The following KRT8 variants were observed in gnomAD, a reference collection of about 807,000 sequenced individuals.
The protein encoded by KRT8 is keratin 8.
A neutral mutation model predicts 43.0 loss-of-function variants in KRT8; 24 were observed. The observed-to-expected ratio is 0.56, with a 90% CI of 0.40 to 0.78. The LOEUF is 0.78. Among genes scored for constraint, KRT8 ranks in the 30% least tolerant of loss-of-function variants. The pLI is 0.00. For missense variants in KRT8, 492 were observed against 638.4 expected (o/e 0.77, Z 2.47); for synonymous variants, 214 against 261.2 (o/e 0.82, Z 1.74).
chr12:52,935,575 G>A (rs376029411), intron 2 of KRT8, among the ~76,000 whole-genome samples: 168 of 148,630 alleles, frequency 1.1e-3, no homozygotes, highest in African/African-American at 1.8e-3. Context: ...AAAACCGTTC[G>A]TGACCTTGAG....
chr12:52,918,237 A>AGAAGAG (rs1565725847), intron 2 of KRT8, among the ~76,000 whole-genome samples: 4 of 151,570 alleles, frequency 2.6e-5, no homozygotes, highest in Non-Finnish European at 4.4e-5. Context: ...AAGAAGAAGA[A>AGAAGAG]GAAGAAGAAG....
At chr12:52,903,807 C>A (rs527437532) in intron 1 of KRT8, among the ~76,000 whole-genome samples, 2 of 152,190 alleles carry the variant, frequency 1.3e-5, no homozygotes, top group South Asian at 4.1e-4. Context: ...ACTTTGAATC[C>A]TGCATGGGCT....
rs559625395 is a variant in KRT8 at position 52,916,143 on chromosome 12, C to T, written c.-46-11116G>A. On this transcript the variant is annotated intron_variant, in intron 2 of 6. Coordinates refer to the KRT8 transcript ENST00000546826. Reference sequence around the variant, plus strand: ...TAGGGGTTTCAGAGGCCAGACAGAGCTTTTTCTGCAGGCTGCAGGAAGGGA... The same window carrying T: ...TAGGGGTTTCAGAGGCCAGACAGAGTTTTTTCTGCAGGCTGCAGGAAGGGA... Among the ~76,000 whole-genome samples, 141 of 152,148 alleles carry T rather than the reference C, an allele frequency of 9.3e-4. 6 individuals carry two copies. The highest frequency in any genetic ancestry group is 2.4e-4 in the Non-Finnish European group (16 of 68,010).
exon 8 of KRT8, chr12:52,897,578 G>T: frequency 1.9e-6 from 3 of 1,598,172 alleles, no homozygotes; most frequent in Non-Finnish European, 2.5e-6. Context: ...TGTAGCTGAG[G>T]CCGGGGCTTG....
chr12:52,900,731 CCCAACCAAGGGGCTCCCAAGGT>C (rs765719569), intron 3 of KRT8, 48 bp from the exon 4 acceptor site: 1 of 1,359,414 alleles, frequency 7.4e-7, no homozygotes, highest in Non-Finnish European at 1.0e-6. Flanking sequence ...CACACCCAAC[CCCAACCAAGGGGCTCCCAAGGT>C]CCACCCAATG....
chr12:52,907,230 C>T (rs1222980218), upstream of KRT8, among the ~76,000 whole-genome samples: 1 of 152,152 alleles, frequency 6.6e-6, no homozygotes, highest in Non-Finnish European at 1.5e-5. Flanking sequence ...CATGCTACCC[C>T]CTCCCCAACA....
chr12:52,902,135 A>C lies in KRT8; in HGVS notation c.325-63T>G, dbSNP rs374424567. The stretch of plus-strand genomic sequence containing the variant: ...GGCCAGGGCTCAAAGTCTGGAGGAA[A>C]GCAAGCAGTCTTTTCTCTTAATTCA... On this transcript the variant is annotated intron_variant, in intron 1 of 7. Transcript: ENST00000692008. The C allele has an allele frequency of 1.5e-4, 152 of 991,808 alleles. No individual in the cohort carries two copies. In the African/African-American group the frequency reaches 2.1e-3, roughly 14 times the overall value. The allele number at this position is 991,808 out of a possible 1,614,324, so 61.4% of individuals were successfully genotyped here.
chr12:52,901,713 A>G (rs1941374243), intron 2 of KRT8, 151 bp downstream of exon 2: 3 of 674,344 alleles, frequency 4.4e-6, no homozygotes, highest in South Asian at 3.3e-5. Flanking sequence ...ATAAACACAG[A>G]CTGTTCCGAG....
intron 2 of KRT8, chr12:52,946,666 G>A (rs534710110): frequency 3.2e-4 from 49 of 152,312 alleles, no homozygotes; most frequent in African/African-American, 1.2e-3. Flanking sequence ...GACAGTTCTG[G>A]AATCCAGTGG....
At chr12:52,918,723 C>T (rs1941827540) in intron 2 of KRT8, among the ~76,000 whole-genome samples, 1 of 152,144 alleles carries the variant, frequency 6.6e-6, no homozygotes. Flanking sequence ...AGCAGGTTTT[C>T]AAGACATGTT....
intron 1 of KRT8, among the ~76,000 whole-genome samples, chr12:52,902,662 A>G (rs1324355033): frequency 1.3e-5 from 2 of 151,862 alleles, no homozygotes; most frequent in Non-Finnish European, 2.9e-5. Context: ...TGCTGGGATT[A>G]TAGGCGTAAG....
At chr12:52,931,404 T>C (rs1403083434) in intron 2 of KRT8, among the ~76,000 whole-genome samples, 3 of 152,120 alleles carry the variant, frequency 2.0e-5, no homozygotes, top group African/African-American at 4.8e-5. Flanking sequence ...TCCCTTGGTT[T>C]TTGGTAATTT....
rs1941351986 is a variant in KRT8 at position 52,900,872 on chromosome 12, T to TAGGAA, written c.595-190_595-189insTTCCT. On this transcript the variant is annotated intron_variant, in intron 3 of 7. Coordinates refer to ENST00000692008, the Ensembl canonical transcript of KRT8. ...CCCACACACCTTCACCTCTGCTTCC[T>TAGGAA]GCAACACACCCTCTTCCACCTCCTT... 14 of 646,600 alleles carry TAGGAA rather than the reference T, an allele frequency of 2.2e-5. No homozygotes were observed. In the Admixed American group the frequency reaches 2.5e-4, roughly 11 times the overall value. 40.1% of individuals were successfully genotyped at this position (646,600 alleles called of 1,614,324 possible). A position where few individuals can be genotyped will look rare whatever the true frequency, so the allele number is the denominator to read the frequency against.
upstream of KRT8, among the ~76,000 whole-genome samples, chr12:52,911,641 A>G (rs992935127): frequency 4.6e-5 from 7 of 152,250 alleles, no homozygotes; most frequent in Non-Finnish European, 1.0e-4. Flanking sequence ...TGAGGCACAG[A>G]GATGTTAAGA....
intron 2 of KRT8, among the ~76,000 whole-genome samples, chr12:52,944,635 T>A (rs1942316400): frequency 6.6e-6 from 1 of 152,204 alleles, no homozygotes; most frequent in African/African-American, 2.4e-5. Context: ...CCCCGACTTC[T>A]CTGAGCTTCA....
chr12:52,944,249 G>A (rs1317856167), intron 2 of KRT8, among the ~76,000 whole-genome samples: 4 of 152,154 alleles, frequency 2.6e-5, no homozygotes, highest in Non-Finnish European at 5.9e-5. Context: ...GGGGAATATT[G>A]TGAAATATTG....
intron 6 of KRT8, 35 bp downstream of exon 6, chr12:52,898,644 G>C (rs1470511796): frequency 6.2e-7 from 1 of 1,613,902 alleles, no homozygotes; most frequent in Non-Finnish European, 8.5e-7. Flanking sequence ...CCCAGGGATA[G>C]GGAAGCAGGT....
chr12:52,939,611 A>G (rs2120727038), intron 2 of KRT8, among the ~76,000 whole-genome samples: 1 of 152,190 alleles, frequency 6.6e-6, no homozygotes, highest in East Asian at 1.9e-4. Flanking sequence ...GATTCCAGCT[A>G]CTTAGGAGGC....
chr12:52,926,332 G>GGGC, intron 2 of KRT8: 2 of 600,278 alleles, frequency 3.3e-6, no homozygotes, highest in Non-Finnish European at 3.0e-6. Context: ...GGCACTAGCT[G>GGGC]CCCTCCCCAC....
Sources: gnomAD v4.1 joint callset for allele counts (sites outside exome capture counted in the v4.1 genomes callset) on GRCh38, gnomAD v4.1.1 for gene constraint, MANE v1.5 for transcripts, NCBI Gene and HGNC (gene_info 2026-07-23, HGNC 2026-07-21) for gene names.